Variants in ABLIM1 observed in about 807,000 individuals in gnomAD.
The protein encoded by ABLIM1 is actin binding LIM protein 1, also known as actin-binding LIM protein 1.
ABLIM1 carries 40 observed loss-of-function variants against 107.0 expected under a neutral mutation model. The ratio of observed to expected loss-of-function variants is 0.37; its 90% CI spans 0.29 to 0.49. ABLIM1 has a LOEUF of 0.49. Ranked by LOEUF, ABLIM1 falls within the 20% of genes least tolerant of loss-of-function variation. ABLIM1 has a pLI of 0.97. For synonymous variants in ABLIM1, 357 were observed against 357.3 expected (o/e 1.00, Z 0.01); for missense variants, 857 against 1,008.5 (o/e 0.85, Z 2.04).
At chr10:114,464,477 C>G (rs763610714) in intron 12 of ABLIM1, among the ~76,000 whole-genome samples, 1 of 152,132 alleles carries the variant, frequency 6.6e-6, no homozygotes, top group Admixed American at 6.5e-5. Context: ...TGAGCCACCA[C>G]GCCTGGCCCA....
At chr10:114,679,370 C>T (rs1234881599) in intron 1 of ABLIM1, among the ~76,000 whole-genome samples, 1 of 152,042 alleles carries the variant, frequency 6.6e-6, no homozygotes, top group Non-Finnish European at 1.5e-5. Flanking sequence ...AGTGGTGGCT[C>T]ATGTCTGTAA....
At chr10:114,757,937 C>T (rs1317432752) in intron 1 of ABLIM1, among the ~76,000 whole-genome samples, 1 of 152,148 alleles carries the variant, frequency 6.6e-6, no homozygotes, top group Admixed American at 6.5e-5. Flanking sequence ...GATCCAGCCA[C>T]ACAAGCCTGC....
chr10:114,787,149 C>T, the ABLIM1 span, among the ~76,000 whole-genome samples: 23 of 151,780 alleles, frequency 1.5e-4, no homozygotes, highest in African/African-American at 5.3e-4. Flanking sequence ...GCCCTGTCGC[C>T]CCGTCCGGGA....
intron 6 of ABLIM1, among the ~76,000 whole-genome samples, chr10:114,508,024 T>TG (rs1201349429): frequency 1.3e-5 from 2 of 152,252 alleles, no homozygotes; most frequent in Non-Finnish European, 2.9e-5. Context: ...AAAGAAATGC[T>TG]GGGGTACCTC....
At chr10:114,730,652 G>A (rs1009030450) in intron 1 of ABLIM1, among the ~76,000 whole-genome samples, 17 of 151,904 alleles carry the variant, frequency 1.1e-4, no homozygotes, top group South Asian at 6.2e-4. Flanking sequence ...CTTTCTCATC[G>A]ACTTTGTTTT....
chr10:114,741,216 CTTTTTTTTT>C (rs751287379), intron 1 of ABLIM1, among the ~76,000 whole-genome samples: 3 of 59,876 alleles, frequency 5.0e-5, no homozygotes, highest in Non-Finnish European at 9.5e-5. Flanking sequence ...GACTATTCTT[CTTTTTTTTT>C]TTTTTTTTTT....
chr10:114,773,537 C>T, the ABLIM1 span, among the ~76,000 whole-genome samples: 1 of 152,196 alleles, frequency 6.6e-6, no homozygotes, highest in African/African-American at 2.4e-5. Context: ...GCCCAGCCAA[C>T]ACGGTGAAAC....
At chr10:114,544,259 G>A (rs987261767) in intron 6 of ABLIM1, among the ~76,000 whole-genome samples, 5 of 152,212 alleles carry the variant, frequency 3.3e-5, no homozygotes, top group African/African-American at 1.2e-4. Flanking sequence ...CACGCTGGCA[G>A]GTGGGCCACA....
At chr10:114,504,101 G>A (rs1304606641) in intron 6 of ABLIM1, among the ~76,000 whole-genome samples, 1 of 152,136 alleles carries the variant, frequency 6.6e-6, no homozygotes, top group Non-Finnish European at 1.5e-5. Flanking sequence ...CAAAAAAATT[G>A]GGTTTAGAAG....
chr10:114,734,347 C>T (rs937089327), intron 1 of ABLIM1, among the ~76,000 whole-genome samples: 6 of 152,180 alleles, frequency 3.9e-5, no homozygotes, highest in African/African-American at 1.4e-4. Context: ...TTTCTGTTTA[C>T]ACAGCTAAAT....
intron 1 of ABLIM1, among the ~76,000 whole-genome samples, chr10:114,650,991 T>C (rs2079214656): frequency 1.3e-5 from 2 of 152,122 alleles, no homozygotes; most frequent in South Asian, 4.1e-4. Flanking sequence ...GGCTCGGACA[T>C]ATTAAGTCAC....
intron 1 of ABLIM1, among the ~76,000 whole-genome samples, chr10:114,647,675 C>T (rs534243390): frequency 2.6e-5 from 4 of 152,210 alleles, no homozygotes; most frequent in Admixed American, 6.5e-5. Flanking sequence ...AATTCTCCCT[C>T]TCCACTTGGG....
intron 1 of ABLIM1, among the ~76,000 whole-genome samples, chr10:114,748,888 G>T (rs1334972746): frequency 6.6e-6 from 1 of 151,792 alleles, no homozygotes; most frequent in Non-Finnish European, 1.5e-5. Context: ...GCCCAGGCTG[G>T]CCTCAAACTC....
intron 2 of ABLIM1, among the ~76,000 whole-genome samples, chr10:114,583,286 T>A (rs1157077103): frequency 6.7e-6 from 1 of 148,778 alleles, no homozygotes; most frequent in African/African-American, 2.5e-5. Flanking sequence ...GAAATGCAAA[T>A]CAAAACCACA....
At chr10:114,650,929 T>C (rs562089343) in intron 1 of ABLIM1, among the ~76,000 whole-genome samples, 68 of 152,344 alleles carry the variant, frequency 4.5e-4, no homozygotes, top group Non-Finnish European at 8.7e-4. Context: ...GGGCTCATAA[T>C]ACCGCTGCAA....
chr10:114,449,514 C>T (rs939522229), intron 14 of ABLIM1, among the ~76,000 whole-genome samples: 1 of 152,082 alleles, frequency 6.6e-6, no homozygotes, highest in African/African-American at 2.4e-5. Flanking sequence ...AACTCCTGCA[C>T]TCAAGCAGGT....
intron 1 of ABLIM1, among the ~76,000 whole-genome samples, chr10:114,763,708 A>G (rs1184898184): frequency 1.3e-5 from 2 of 152,206 alleles, no homozygotes; most frequent in East Asian, 3.8e-4. Context: ...TACTTTTATA[A>G]CTTAAAAATA....
At chr10:114,715,208 G>A (rs1316010716) in intron 1 of ABLIM1, among the ~76,000 whole-genome samples, 1 of 152,054 alleles carries the variant, frequency 6.6e-6, no homozygotes, top group African/African-American at 2.4e-5. Flanking sequence ...ACAGGCTAAG[G>A]GCCAAAGGAA....
chr10:114,658,724 C>A (rs1389603272), upstream of ABLIM1, among the ~76,000 whole-genome samples: 1 of 152,172 alleles, frequency 6.6e-6, no homozygotes, highest in Non-Finnish European at 1.5e-5. Context: ...CGTGACAAAT[C>A]CAGCTCTCAG....
Sources: gnomAD v4.1 joint callset for allele counts (sites outside exome capture counted in the v4.1 genomes callset) on GRCh38, gnomAD v4.1.1 for gene constraint, MANE v1.5 for transcripts, NCBI Gene and HGNC (gene_info 2026-07-23, HGNC 2026-07-21) for gene names.